Variants in CCDC171 observed in about 807,000 individuals in gnomAD.
CCDC171 encodes coiled-coil domain containing 171.
A neutral mutation model predicts 168.2 loss-of-function variants in CCDC171; 177 were observed. The observed-to-expected ratio is 1.05, with a 90% CI of 0.93 to 1.19. The LOEUF is 1.19. Among genes scored for constraint, CCDC171 ranks in the 50% most tolerant of loss-of-function variants. CCDC171 has a pLI of 0.00. For synonymous variants in CCDC171, 687 were observed against 540.8 expected (o/e 1.27, Z -3.75); for missense variants, 1,991 against 1,539.0 (o/e 1.29, Z -4.91).
chr9:15,761,640 TA>T (rs925340018), intron 18 of CCDC171, among the ~76,000 whole-genome samples: 10 of 152,182 alleles, frequency 6.6e-5, no homozygotes, highest in Non-Finnish European at 1.2e-4. Flanking sequence ...TTTTGTTATT[TA>T]AAAAAAATTT....
At chr9:15,975,470 A>G (rs1214214433), downstream of CCDC171, among the ~76,000 whole-genome samples, 1 of 152,182 alleles carries the variant, frequency 6.6e-6, no homozygotes, top group African/African-American at 2.4e-5. Context: ...TGATTAGACA[A>G]AACAAAATAC....
chr9:15,884,400 T>C (rs1460211598), intron 24 of CCDC171, among the ~76,000 whole-genome samples: 1 of 152,228 alleles, frequency 6.6e-6, no homozygotes. Context: ...TGCTTAGTTT[T>C]CAATTTCAGG....
chr9:15,666,164 T>TA lies in CCDC171; in HGVS notation c.918dup (p.Arg307ThrfsTer6). 6.2e-7 allele frequency: 1 copy of TA among 1,613,416 alleles called. No homozygotes were observed. The highest frequency in any genetic ancestry group is 8.5e-7 in the Non-Finnish European group (1 of 1,179,718). On this transcript the variant is annotated frameshift_variant and splice_region_variant, in exon 9 of 26. Coordinates refer to ENST00000380701, the MANE Select transcript of CCDC171 (RefSeq NM_173550.4). LOFTEE classifies it high-confidence loss of function. ...AATTACTTGTCTGTCGTCCGGTAGT[T>TA]ACGGATTCGAGACCTTGAAGGAGCT... is the stretch of plus-strand genomic sequence containing the variant.
At chr9:16,016,884 C>T (rs12004813) in intron 3 of CCDC171, among the ~76,000 whole-genome samples, 2,776 of 152,224 alleles carry the variant, frequency 0.018, 83 homozygotes, top group African/African-American at 0.062. Flanking sequence ...TCCTTTACTG[C>T]CTAGCAATCT....
chr9:16,106,774 C>G, the CCDC171 span, among the ~76,000 whole-genome samples: 673 of 152,190 alleles, frequency 4.4e-3, 9 homozygotes, highest in African/African-American at 0.015. Flanking sequence ...AAACTAAATG[C>G]TAGAGAATTT....
At chr9:15,691,809 TG>T (rs1415871950) in intron 10 of CCDC171, among the ~76,000 whole-genome samples, 1 of 152,036 alleles carries the variant, frequency 6.6e-6, no homozygotes, top group Non-Finnish European at 1.5e-5. Context: ...GCTGAGTAAC[TG>T]GGACCTACAG....
intron 11 of CCDC171, among the ~76,000 whole-genome samples, chr9:15,715,711 A>AT (rs1011122227): frequency 1.3e-5 from 2 of 152,214 alleles, no homozygotes; most frequent in African/African-American, 4.8e-5. Context: ...AAAATGAAGT[A>AT]GGTAACAAGG....
At chr9:15,772,296 C>T (rs907490506) in intron 18 of CCDC171, among the ~76,000 whole-genome samples, 18 of 152,012 alleles carry the variant, frequency 1.2e-4, no homozygotes, top group Admixed American at 2.6e-4. Context: ...TATCATACTG[C>T]GTTTTTCATG....
At chr9:15,705,091 GACACACACAC>G (rs3082789) in intron 11 of CCDC171, among the ~76,000 whole-genome samples, 4 of 147,758 alleles carry the variant, frequency 2.7e-5, no homozygotes, top group East Asian at 2.0e-4. Flanking sequence ...GTATCCTTAC[GACACACACAC>G]ACACACACAC....
chr9:16,059,512 T>C (rs1389679847), intron 1 of CCDC171, among the ~76,000 whole-genome samples: 4 of 137,724 alleles, frequency 2.9e-5, no homozygotes, highest in South Asian at 2.5e-4. Context: ...TTTCTTTTTT[T>C]TTTTTTTTTT....
chr9:15,777,603 C>T lies in CCDC171; in HGVS notation c.2675C>T (p.Pro892Leu), dbSNP rs942148281. 1 of 1,599,196 alleles carries T rather than the reference C, an allele frequency of 6.3e-7. No homozygotes were observed. Among genetic ancestry groups the T allele is most frequent in the African/African-American group, 1.4e-5 (1 of 73,888 alleles). The change falls in exon 19 of 26, where the codon CCA becomes CTA. Residue 892 changes from proline to leucine, a missense_variant. Coordinates refer to ENST00000380701, the MANE Select transcript of CCDC171 (RefSeq NM_173550.4). ...CTTTTTTTCTTTTTCTTTGAAGATCCAAATTCCAGAATTTGTGGACATTTA... is the reference window on the plus strand; with the variant it reads ...CTTTTTTTCTTTTTCTTTGAAGATCTAAATTCCAGAATTTGTGGACATTTA... ...ELQDVIGKAD[P>L]NSRICGHLLI...
intron 9 of CCDC171, among the ~76,000 whole-genome samples, chr9:15,678,128 C>T (rs988798539): frequency 2.6e-5 from 4 of 151,022 alleles, no homozygotes; most frequent in African/African-American, 9.8e-5. Context: ...CCAGGCTGGT[C>T]TTAAACTCCT....
intron 1 of CCDC171, among the ~76,000 whole-genome samples, chr9:15,557,195 T>G (rs2038880313): frequency 2.0e-5 from 3 of 152,168 alleles, no homozygotes; most frequent in Admixed American, 2.0e-4. Context: ...GCTTTGTTCT[T>G]TTTGCTTAGG....
the CCDC171 span, among the ~76,000 whole-genome samples, chr9:16,095,897 T>C: frequency 7.8e-5 from 11 of 140,596 alleles, no homozygotes; most frequent in African/African-American, 2.8e-4. Flanking sequence ...TATATATATA[T>C]ATACTGCCTC....
At position 15,729,549 on chromosome 9, in the gene CCDC171, A is replaced by T; in HGVS notation, c.1861-61A>T. ...GACATTTTGGGTATTTTATTGGGGG[A>T]GATGACACAAAGAAATAGCTTGTGA... is the stretch of plus-strand genomic sequence containing the variant. On this transcript the variant is annotated intron_variant, in intron 15 of 25. Coordinates refer to ENST00000380701, the MANE Select transcript of CCDC171 (RefSeq NM_173550.4). 4.8e-6 allele frequency: 5 copies of T among 1,038,316 alleles called. No homozygotes were observed. In the East Asian group the frequency reaches 1.2e-4, roughly 25 times the overall value. The allele number at this position is 1,038,316 out of a possible 1,614,324, so 64.3% of individuals were successfully genotyped here.
intron 24 of CCDC171, among the ~76,000 whole-genome samples, chr9:15,906,817 C>T (rs974666980): frequency 3.9e-5 from 6 of 152,092 alleles, no homozygotes; most frequent in African/African-American, 1.4e-4. Context: ...TAAGCGACTT[C>T]AGCAAAGTCT....
Position 15,794,161 on chromosome 9 carries a change from T to G in CCDC171, c.3267+9467T>G, listed in dbSNP as rs561584932. ...GGTTAAGGAAGTTATCTTCCTGCAT[T>G]ATGCATAAATTAAAAATCATGGACC... On this transcript the variant is annotated intron_variant, in intron 21 of 25. Transcript: ENST00000380701. 3.3e-5 allele frequency among the ~76,000 whole-genome samples: 5 copies of G among 152,152 alleles called. No homozygotes were observed. The South Asian group carries it at 1.0e-3, about 32-fold the overall frequency.
At chr9:15,906,643 A>G (rs1822669779) in intron 24 of CCDC171, among the ~76,000 whole-genome samples, 1 of 152,166 alleles carries the variant, frequency 6.6e-6, no homozygotes, top group Admixed American at 6.5e-5. Context: ...CACCACTCCT[A>G]TTCAACATAG....
At chr9:15,706,551 G>T (rs577069049) in intron 11 of CCDC171, among the ~76,000 whole-genome samples, 4 of 152,266 alleles carry the variant, frequency 2.6e-5, no homozygotes, top group South Asian at 2.1e-4. Flanking sequence ...GCCTCCCAAA[G>T]TGCTGCGATT....
Sources: gnomAD v4.1 joint callset for allele counts (sites outside exome capture counted in the v4.1 genomes callset) on GRCh38, gnomAD v4.1.1 for gene constraint, MANE v1.5 for transcripts, NCBI Gene and HGNC (gene_info 2026-07-23, HGNC 2026-07-21) for gene names.